SOX5: variants seen among roughly 807,000 people sequenced by gnomAD.
SOX5 encodes transcription factor SOX-5.
A neutral mutation model predicts 92.0 loss-of-function variants in SOX5; 9 were observed. That is an observed-to-expected ratio of 0.10 (90% CI 0.06 to 0.17). SOX5 has a LOEUF of 0.17. SOX5 is among the 10% of genes least tolerant of loss of function. SOX5 has a pLI of 1.00. For synonymous variants in SOX5, 344 were observed against 336.3 expected (o/e 1.02, Z -0.25); for missense variants, 642 against 944.5 (o/e 0.68, Z 4.20).
intron 2 of SOX5, among the ~76,000 whole-genome samples, chr12:24,324,542 C>T (rs977642885): frequency 3.3e-5 from 5 of 151,724 alleles, no homozygotes; most frequent in Non-Finnish European, 5.9e-5. Flanking sequence ...AAAAGTTAAC[C>T]GTACTGACAT....
intron 1 of SOX5, among the ~76,000 whole-genome samples, chr12:24,427,541 T>C (rs997176502): frequency 6.6e-6 from 1 of 152,254 alleles, no homozygotes; most frequent in Admixed American, 6.5e-5. Context: ...TCAGGATTAA[T>C]TGAGTGCAAT....
At chr12:23,637,788 C>G (rs73091362) in intron 8 of SOX5, among the ~76,000 whole-genome samples, 3,801 of 152,270 alleles carry the variant, frequency 0.025, 90 homozygotes, top group Non-Finnish European at 0.042. Context: ...GAGAACTGGA[C>G]AGTGTACAGC....
chr12:24,369,113 C>G (rs1016651269), intron 1 of SOX5, among the ~76,000 whole-genome samples: 1 of 152,196 alleles, frequency 6.6e-6, no homozygotes, highest in Admixed American at 6.5e-5. Flanking sequence ...CTGTCTGACA[C>G]ACAGTATACC....
intron 4 of SOX5, among the ~76,000 whole-genome samples, chr12:23,741,309 G>A (rs2093788319): frequency 6.6e-6 from 1 of 152,018 alleles, no homozygotes. Context: ...CATTTTGAAT[G>A]TTTTTACACT....
At chr12:23,608,097 T>G (rs1263195730) in intron 8 of SOX5, among the ~76,000 whole-genome samples, 1 of 123,594 alleles carries the variant, frequency 8.1e-6, no homozygotes, top group Non-Finnish European at 1.6e-5. Flanking sequence ...TAGTGAGACG[T>G]TGTCTCAAAA....
intron 10 of SOX5, among the ~76,000 whole-genome samples, 172 bp downstream of exon 10, chr12:23,575,489 T>C (rs1948972261): frequency 6.6e-6 from 1 of 152,244 alleles, no homozygotes; most frequent in African/African-American, 2.4e-5. Flanking sequence ...ACTTAGACTT[T>C]AGTGAGAAAT....
At chr12:24,506,676 A>G (rs2138226127) in intron 1 of SOX5, among the ~76,000 whole-genome samples, 1 of 152,188 alleles carries the variant, frequency 6.6e-6, no homozygotes, top group South Asian at 2.1e-4. Flanking sequence ...TCTGCTGATC[A>G]GAGCCTTGAA....
intron 4 of SOX5, among the ~76,000 whole-genome samples, chr12:23,976,349 T>C (rs1591985162): frequency 7.0e-6 from 1 of 142,692 alleles, no homozygotes; most frequent in Non-Finnish European, 1.5e-5. Context: ...AGATGATGTA[T>C]TTAAATACAG....
intron 1 of SOX5, among the ~76,000 whole-genome samples, chr12:23,927,231 G>C (rs945471665): frequency 2.0e-5 from 3 of 152,024 alleles, no homozygotes; most frequent in African/African-American, 7.2e-5. Context: ...TAACCATTCT[G>C]GGGGAGGCTC....
chr12:23,771,742 A>G (rs560599983), intron 3 of SOX5, among the ~76,000 whole-genome samples: 15 of 152,320 alleles, frequency 9.8e-5, no homozygotes, highest in African/African-American at 3.6e-4. Context: ...GGGGCATTTC[A>G]TATAGACACC....
intron 4 of SOX5, among the ~76,000 whole-genome samples, chr12:24,173,679 G>A (rs970950352): frequency 3.3e-5 from 5 of 152,118 alleles, no homozygotes; most frequent in Admixed American, 6.6e-5. Context: ...GGGTCAGGGC[G>A]GGGGAAGTGA....
intron 3 of SOX5, among the ~76,000 whole-genome samples, chr12:24,226,294 CT>C (rs1420787476): frequency 6.6e-6 from 1 of 152,052 alleles, no homozygotes; most frequent in Non-Finnish European, 1.5e-5. Context: ...CTTATACTTC[CT>C]GTATTATTGC....
At chr12:24,333,614 T>TA (rs377293339) in intron 2 of SOX5, among the ~76,000 whole-genome samples, 2 of 151,854 alleles carry the variant, frequency 1.3e-5, no homozygotes, top group African/African-American at 2.4e-5. Flanking sequence ...TCTTAGGAAA[T>TA]AAAAAATAGA....
chr12:23,829,285 G>C (rs2096278306), intron 3 of SOX5, among the ~76,000 whole-genome samples: 1 of 152,132 alleles, frequency 6.6e-6, no homozygotes, highest in Non-Finnish European at 1.5e-5. Context: ...GGGTAACTGA[G>C]TGAAAAACAC....
intron 1 of SOX5, among the ~76,000 whole-genome samples, chr12:24,505,180 A>G (rs548062520): frequency 6.6e-6 from 1 of 152,360 alleles, no homozygotes; most frequent in East Asian, 1.9e-4. Context: ...TTTAAGATTC[A>G]GAAATAATGG....
chr12:24,526,846 C>T (rs1489675841), intron 1 of SOX5, among the ~76,000 whole-genome samples: 1 of 151,678 alleles, frequency 6.6e-6, no homozygotes, highest in African/African-American at 2.4e-5. Context: ...AAGACAGGGT[C>T]TCACTCTGTT....
chr12:24,029,533 C>G (rs1955249533), intron 4 of SOX5, among the ~76,000 whole-genome samples: 1 of 151,838 alleles, frequency 6.6e-6, no homozygotes. Flanking sequence ...CTTCAGCCTC[C>G]CAAAGCACTA....
chr12:24,143,142 A>T (rs1455373781), intron 4 of SOX5, among the ~76,000 whole-genome samples: 1 of 152,202 alleles, frequency 6.6e-6, no homozygotes, highest in Non-Finnish European at 1.5e-5. Context: ...AAATGCTATT[A>T]ATACTTTGGT....
intron 9 of SOX5, among the ~76,000 whole-genome samples, chr12:23,601,829 T>C (rs2074535836): frequency 1.3e-5 from 2 of 152,172 alleles, no homozygotes; most frequent in South Asian, 4.1e-4. Flanking sequence ...TTTAACCCAC[T>C]ACATTTTACT....
Sources: allele counts gnomAD v4.1 joint callset (sites outside exome capture counted in the v4.1 genomes callset), GRCh38; gene constraint gnomAD v4.1.1; transcripts MANE v1.5; gene names NCBI Gene and HGNC (gene_info 2026-07-23, HGNC 2026-07-21).